The following DNAH6 variants were observed in gnomAD, a reference collection of about 807,000 sequenced individuals.
The protein encoded by DNAH6 is axonemal beta dynein heavy chain 6.
A neutral mutation model predicts 491.4 loss-of-function variants in DNAH6; 340 were observed. The observed-to-expected ratio is 0.69, with a 90% CI of 0.63 to 0.76. The LOEUF is 0.76. DNAH6 is among the 30% of genes least tolerant of loss of function. The pLI is 0.00. For synonymous variants in DNAH6, 1,603 were observed against 1,686.1 expected, an observed-to-expected ratio of 0.95 and a Z score of 1.21; for missense variants, 4,443 against 4,972.2, an observed-to-expected ratio of 0.89 and a Z score of 3.20.
chr2:84,747,153 A>G (rs1673046528), intron 63 of DNAH6, among the ~76,000 whole-genome samples: 1 of 152,144 alleles, frequency 6.6e-6, no homozygotes, highest in Non-Finnish European at 1.5e-5. Context: ...TCCTTCTCAT[A>G]TTACAAAATA....
the DNAH6 span, among the ~76,000 whole-genome samples, chr2:84,506,784 T>A: frequency 1.1e-4 from 17 of 152,306 alleles, no homozygotes; most frequent in Admixed American, 5.9e-4. Flanking sequence ...TTTCTACATA[T>A]GGCTAGCCAG....
At chr2:84,677,972 C>T (rs11126974) in intron 41 of DNAH6, among the ~76,000 whole-genome samples, 87,795 of 151,904 alleles carry the variant, frequency 0.58, 26,714 homozygotes, top group East Asian at 0.81. Context: ...ATGACAGTGA[C>T]GTGGACAGTG....
chr2:84,690,752 A>G (rs1318992530), intron 45 of DNAH6, among the ~76,000 whole-genome samples: 1 of 152,226 alleles, frequency 6.6e-6, no homozygotes, highest in Non-Finnish European at 1.5e-5. Context: ...CAGAGAAAAC[A>G]TATTTCTGCT....
intron 69 of DNAH6, among the ~76,000 whole-genome samples, chr2:84,796,739 G>A (rs1678391981): frequency 6.6e-6 from 1 of 152,180 alleles, no homozygotes; most frequent in East Asian, 1.9e-4. Context: ...GCACATGTCT[G>A]TGGTCCCAGA....
At chr2:84,786,678 CAAAG>C (rs1335480937) in intron 67 of DNAH6, among the ~76,000 whole-genome samples, 1 of 151,900 alleles carries the variant, frequency 6.6e-6, no homozygotes, top group East Asian at 1.9e-4. Context: ...AGGGAGATAA[CAAAG>C]GAAGTTGGGG....
At chr2:84,731,901 C>A (rs1049684854) in intron 61 of DNAH6, among the ~76,000 whole-genome samples, 6 of 152,148 alleles carry the variant, frequency 3.9e-5, no homozygotes, top group African/African-American at 1.4e-4. Flanking sequence ...AAATTTATAT[C>A]CCCAAGAGCA....
At chr2:84,816,235 G>T (rs1360160827) in intron 76 of DNAH6, among the ~76,000 whole-genome samples, 152 bp downstream of exon 76, 1 of 152,144 alleles carries the variant, frequency 6.6e-6, no homozygotes, top group Non-Finnish European at 1.5e-5. Context: ...ATTCGTAAAT[G>T]TAATTATAAA....
intron 15 of DNAH6, among the ~76,000 whole-genome samples, chr2:84,586,257 C>T (rs902433347): frequency 6.6e-6 from 1 of 152,234 alleles, no homozygotes; most frequent in Non-Finnish European, 1.5e-5. Flanking sequence ...CCCACCCCAA[C>T]TTGGAAGGGG....
chr2:84,679,752 A>G (rs1472342113), intron 41 of DNAH6, among the ~76,000 whole-genome samples: 4 of 152,250 alleles, frequency 2.6e-5, no homozygotes, highest in Admixed American at 6.5e-5. Flanking sequence ...TAATTCATTC[A>G]TTAAACAAAT....
intron 40 of DNAH6, among the ~76,000 whole-genome samples, chr2:84,675,942 G>C (rs139703833): frequency 7.4e-4 from 112 of 152,242 alleles, no homozygotes; most frequent in African/African-American, 2.6e-3. Flanking sequence ...TTATTTTTAA[G>C]AACATTGATT....
intron 34 of DNAH6, among the ~76,000 whole-genome samples, 172 bp downstream of exon 34, chr2:84,654,046 A>G (rs2104568444): frequency 6.6e-6 from 1 of 152,200 alleles, no homozygotes; most frequent in East Asian, 1.9e-4. Flanking sequence ...AAAGTCTCAA[A>G]TGTTCTTGTC....
chr2:84,577,984 TAC>T lies in DNAH6; in HGVS notation c.2076+578_2076+579del, dbSNP rs1446000234. ...AACCCAGCCTGCCTCTTGTTTTGTA[TAC>T]AGTTTTATCAGAACACAGCCATGAC... On this transcript the variant is annotated intron_variant, in intron 13 of 76. Coordinates refer to ENST00000389394, the MANE Select transcript of DNAH6 (RefSeq NM_001370.2). Among the ~76,000 whole-genome samples the T allele has an allele frequency of 3.3e-5, 5 of 152,370 alleles. No homozygotes were observed. The East Asian group carries it at 9.6e-4, about 29-fold the overall frequency.
At chr2:84,805,405 A>G (rs538806782) in intron 70 of DNAH6, among the ~76,000 whole-genome samples, 16 of 152,354 alleles carry the variant, frequency 1.1e-4, no homozygotes, top group Non-Finnish European at 2.1e-4. Flanking sequence ...ATCAACAGGC[A>G]TAAAGTTGCA....
At position 84,699,656 on chromosome 2, in the gene DNAH6, A is replaced by G. The variant is rs756280318; in HGVS notation, c.7740A>G (p.Pro2580=). The change falls in exon 48 of 77, where the codon CCA becomes CCG. Residue 2580 remains proline (P), a synonymous_variant. Coordinates refer to ENST00000389394, the MANE Select transcript of DNAH6 (RefSeq NM_001370.2). ...QKLHIVLCMS[P]VGEAFRSRCR... ...TGCACATTGTTCTCTGCATGAGCCC[A>G]GTTGGGGAGGCCTTTCGGTCCCGAT... 1.3e-6 allele frequency: 2 copies of G among 1,551,700 alleles called. No homozygotes were observed. The highest frequency in any genetic ancestry group is 1.7e-6 in the Non-Finnish European group (2 of 1,146,986).
intron 67 of DNAH6, 46 bp from the exon 68 acceptor site, chr2:84,787,118 A>G (rs780297736): frequency 7.2e-7 from 1 of 1,397,260 alleles, no homozygotes; most frequent in South Asian, 1.4e-5. Context: ...ACACAAAATT[A>G]ATTTTATCAA....
chr2:84,594,802 T>C (rs1018713122), intron 17 of DNAH6, among the ~76,000 whole-genome samples: 2 of 152,196 alleles, frequency 1.3e-5, no homozygotes, highest in Non-Finnish European at 2.9e-5. Context: ...GGAAATATGT[T>C]CCAGGTAATG....
rs555206369 is a variant in DNAH6 at position 84,618,330 on chromosome 2, C to T, written c.3572+1348C>T. On this transcript the variant is annotated intron_variant, in intron 23 of 76. Coordinates refer to ENST00000389394, the MANE Select transcript of DNAH6 (RefSeq NM_001370.2). Reference sequence around the variant, plus strand: ...CCTGAAAACCAAGGATAAAATCCCACCAGCTTCAGTCATCCATGCTCAAGT... The same window carrying T: ...CCTGAAAACCAAGGATAAAATCCCATCAGCTTCAGTCATCCATGCTCAAGT... 3.9e-5 allele frequency among the ~76,000 whole-genome samples: 6 copies of T among 152,234 alleles called. No individual in the cohort carries two copies. In the South Asian group the frequency reaches 1.2e-3, roughly 32 times the overall value.
chr2:84,756,258 C>T (rs979720954), intron 63 of DNAH6, among the ~76,000 whole-genome samples: 21 of 152,074 alleles, frequency 1.4e-4, no homozygotes, highest in Admixed American at 5.2e-4. Flanking sequence ...TTAAATAAAT[C>T]GTGGAAGACT....
At chr2:84,679,715 A>T (rs1482048941) in intron 41 of DNAH6, among the ~76,000 whole-genome samples, 3 of 152,222 alleles carry the variant, frequency 2.0e-5, no homozygotes, top group African/African-American at 7.2e-5. Context: ...GCTAATTTTA[A>T]TGTATGGATA....
Sources: allele counts gnomAD v4.1 joint callset (sites outside exome capture counted in the v4.1 genomes callset), GRCh38; gene constraint gnomAD v4.1.1; transcripts MANE v1.5; gene names NCBI Gene and HGNC (gene_info 2026-07-23, HGNC 2026-07-21).